The following TSPAN12 variants were observed in gnomAD, a reference collection of about 807,000 sequenced individuals.
The protein encoded by TSPAN12 is tetraspanin 12.
Under a neutral mutation model 39.2 loss-of-function variants are expected in TSPAN12, and 19 were observed. That is an observed-to-expected ratio of 0.49 (90% CI 0.34 to 0.71). The LOEUF is 0.71. TSPAN12 is among the 30% of genes least tolerant of loss of function. The probability of loss-of-function intolerance (pLI) is 0.01; values close to 1 mark genes in which losing one functional copy is unlikely to be tolerated. For missense variants in TSPAN12, 314 were observed against 359.9 expected (o/e 0.87, Z 1.03); for synonymous variants, 119 against 124.8 (o/e 0.95, Z 0.31).
intron 7 of TSPAN12, 140 bp from the exon 8 acceptor site, chr7:120,789,037 G>C: frequency 1.2e-6 from 1 of 868,478 alleles, no homozygotes; most frequent in Non-Finnish European, 1.8e-6. Context: ...GGTTCTCAGG[G>C]AAAGCTGATG....
intron 7 of TSPAN12, among the ~76,000 whole-genome samples, chr7:120,805,329 G>A (rs978124416): frequency 5.6e-4 from 85 of 152,116 alleles, no homozygotes; most frequent in African/African-American, 2.0e-3. Context: ...AATATAAATT[G>A]ACTGCCCATC....
intron 7 of TSPAN12, among the ~76,000 whole-genome samples, chr7:120,797,944 T>C (rs762856015): frequency 6.8e-4 from 103 of 152,216 alleles, no homozygotes; most frequent in Non-Finnish European, 1.3e-3. Flanking sequence ...ACAATGCCAA[T>C]AGCATGATGT....
At chr7:120,789,474 T>G (rs776414798) in intron 7 of TSPAN12, among the ~76,000 whole-genome samples, 2 of 152,108 alleles carry the variant, frequency 1.3e-5, no homozygotes, top group African/African-American at 2.4e-5. Flanking sequence ...CACAAGAAAT[T>G]TGCACAAACA....
rs533519571 is a variant in TSPAN12 at position 120,850,180 on chromosome 7, A to G, written c.66+6518T>C. Among the ~76,000 whole-genome samples, 10 of 152,364 alleles carry G rather than the reference A, an allele frequency of 6.6e-5. No homozygotes were observed. The East Asian group carries it at 1.9e-3, about 29-fold the overall frequency. ...ATTTCAGAATGAACATCAATTAATT[A>G]GAGCTGAATAAATCAGTATCACCCT... is the stretch of plus-strand genomic sequence containing the variant. On this transcript the variant is annotated intron_variant, in intron 2 of 7. Coordinates refer to ENST00000222747, the MANE Select transcript of TSPAN12 (RefSeq NM_012338.4).
At position 120,852,907 on chromosome 7, in the gene TSPAN12, T is replaced by C. The variant is rs561370915; in HGVS notation, c.66+3791A>G. 2.0e-5 allele frequency among the ~76,000 whole-genome samples: 3 copies of C among 152,294 alleles called. No individual in the cohort carries two copies. The South Asian group carries it at 6.2e-4, about 32-fold the overall frequency. On this transcript the variant is annotated intron_variant, in intron 2 of 7. Transcript: ENST00000222747. ...AGAAAACTATTTTATGGGTCTATTATGAGAACTAGATGAGAGTAATGTTAA... is the reference window on the plus strand; with the variant it reads ...AGAAAACTATTTTATGGGTCTATTACGAGAACTAGATGAGAGTAATGTTAA...
At chr7:120,811,133 T>G (rs1418014344) in intron 5 of TSPAN12, among the ~76,000 whole-genome samples, 1 of 152,202 alleles carries the variant, frequency 6.6e-6, no homozygotes, top group African/African-American at 2.4e-5. Flanking sequence ...TCTCCACTTT[T>G]ACACTGTTGG....
At chr7:120,848,635 G>GA (rs937653005) in intron 2 of TSPAN12, among the ~76,000 whole-genome samples, 1 of 151,874 alleles carries the variant, frequency 6.6e-6, no homozygotes, top group Non-Finnish European at 1.5e-5. Flanking sequence ...CTGTCCCAAT[G>GA]TTTTTTTTCA....
At chr7:120,792,052 C>A (rs577349648) in intron 7 of TSPAN12, among the ~76,000 whole-genome samples, 3 of 152,112 alleles carry the variant, frequency 2.0e-5, no homozygotes, top group South Asian at 2.1e-4. Context: ...ATCTGAGGAG[C>A]GTTTATTCAC....
chr7:120,839,999 G>C, intron 3 of TSPAN12, 28 bp downstream of exon 3: 1 of 1,551,538 alleles, frequency 6.4e-7, no homozygotes, highest in Non-Finnish European at 8.9e-7. Context: ...CAGCAAGAAA[G>C]AATTCAATCA....
chr7:120,792,101 G>C (rs1274725634), intron 7 of TSPAN12, among the ~76,000 whole-genome samples: 1 of 152,178 alleles, frequency 6.6e-6, no homozygotes, highest in East Asian at 1.9e-4. Flanking sequence ...CAAGTGCTAT[G>C]GAATTATCAT....
At chr7:120,799,286 C>A (rs1026561940) in intron 7 of TSPAN12, among the ~76,000 whole-genome samples, 3 of 151,140 alleles carry the variant, frequency 2.0e-5, no homozygotes, top group African/African-American at 4.9e-5. Flanking sequence ...GTGGAGCTTG[C>A]CAGAAGGCCA....
At chr7:120,832,402 C>A (rs1205870297) in intron 4 of TSPAN12, among the ~76,000 whole-genome samples, 1 of 152,136 alleles carries the variant, frequency 6.6e-6, no homozygotes, top group African/African-American at 2.4e-5. Flanking sequence ...ACCAACACCA[C>A]AGCCACTCTG....
chr7:120,835,164 G>C (rs1794453793), intron 4 of TSPAN12, among the ~76,000 whole-genome samples: 1 of 152,138 alleles, frequency 6.6e-6, no homozygotes, highest in Non-Finnish European at 1.5e-5. Context: ...TTATTAAAAA[G>C]AAAAGGAAGT....
At chr7:120,853,471 G>GATATATAT (rs375897054) in intron 2 of TSPAN12, among the ~76,000 whole-genome samples, 5,586 of 137,906 alleles carry the variant, frequency 0.041, 134 homozygotes, top group African/African-American at 0.044. Context: ...AAGAAATGCA[G>GATATATAT]ATATATATAT....
chr7:120,817,568 T>C (rs966658023), intron 4 of TSPAN12, among the ~76,000 whole-genome samples: 6 of 152,038 alleles, frequency 3.9e-5, no homozygotes, highest in Admixed American at 6.6e-5. Flanking sequence ...AACAAGAAAA[T>C]TAACACAAAC....
At chr7:120,841,014 G>C (rs1377389071) in intron 2 of TSPAN12, among the ~76,000 whole-genome samples, 1 of 152,124 alleles carries the variant, frequency 6.6e-6, no homozygotes, top group Non-Finnish European at 1.5e-5. Flanking sequence ...TAGGGAGTAG[G>C]GCTTGGGCAT....
chr7:120,839,296 G>A (rs911002057), intron 3 of TSPAN12, among the ~76,000 whole-genome samples: 2 of 151,904 alleles, frequency 1.3e-5, no homozygotes, highest in Non-Finnish European at 2.9e-5. Flanking sequence ...TCTAATTTTT[G>A]ATCCCATGTG....
intron 4 of TSPAN12, among the ~76,000 whole-genome samples, chr7:120,816,489 A>G (rs1306525325): frequency 1.3e-5 from 2 of 152,186 alleles, no homozygotes; most frequent in African/African-American, 4.8e-5. Context: ...CAAAGAAGAG[A>G]AGAGAGAATA....
At chr7:120,835,953 A>T (rs1794467997) in intron 4 of TSPAN12, among the ~76,000 whole-genome samples, 1 of 152,116 alleles carries the variant, frequency 6.6e-6, no homozygotes, top group South Asian at 2.1e-4. Flanking sequence ...TAGATAAAAA[A>T]GCAAAAAATG....
Sources: gnomAD v4.1 joint callset for allele counts (sites outside exome capture counted in the v4.1 genomes callset) on GRCh38, gnomAD v4.1.1 for gene constraint, MANE v1.5 for transcripts, NCBI Gene and HGNC (gene_info 2026-07-23, HGNC 2026-07-21) for gene names.